Variants in EHBP1 observed in about 807,000 individuals in gnomAD.
The protein encoded by EHBP1 is EH domain binding protein 1.
A neutral mutation model predicts 144.0 loss-of-function variants in EHBP1; 55 were observed. The observed-to-expected ratio is 0.38, with a 90% CI of 0.31 to 0.48. EHBP1 has a LOEUF of 0.48. EHBP1 is among the 20% of genes least tolerant of loss of function. The pLI is 0.98. For missense variants in EHBP1, 1,200 were observed against 1,364.2 expected (o/e 0.88, Z 1.90); for synonymous variants, 469 against 472.7 (o/e 0.99, Z 0.10).
intron 10 of EHBP1, among the ~76,000 whole-genome samples, chr2:62,895,575 A>T (rs1234550352): frequency 6.6e-6 from 1 of 152,180 alleles, no homozygotes; most frequent in Non-Finnish European, 1.5e-5. Context: ...TCAACCTTGT[A>T]TACCAGTGGA....
intron 18 of EHBP1, among the ~76,000 whole-genome samples, chr2:62,995,353 A>G (rs181963286): frequency 5.3e-5 from 8 of 152,122 alleles, no homozygotes; most frequent in Admixed American, 3.9e-4. Context: ...AATCAATTTA[A>G]TAATAAGTTG....
At chr2:62,940,865 A>G (rs2056714505) in intron 10 of EHBP1, among the ~76,000 whole-genome samples, 1 of 152,170 alleles carries the variant, frequency 6.6e-6, no homozygotes, top group South Asian at 2.1e-4. Context: ...CCTTCTTAGA[A>G]ACAGAGGTAC....
chr2:62,686,435 C>T (rs1309006405), intron 1 of EHBP1, among the ~76,000 whole-genome samples: 1 of 152,152 alleles, frequency 6.6e-6, no homozygotes, highest in African/African-American at 2.4e-5. Flanking sequence ...TCCAGCCAAG[C>T]ATAAATAAGT....
At chr2:62,983,676 A>C (rs567308463) in intron 15 of EHBP1, among the ~76,000 whole-genome samples, 3 of 151,962 alleles carry the variant, frequency 2.0e-5, no homozygotes, top group South Asian at 4.2e-4. Flanking sequence ...GAGTAGCTGG[A>C]ATTACAGGCA....
At chr2:62,983,869 A>G (rs2059078719) in intron 15 of EHBP1, among the ~76,000 whole-genome samples, 1 of 152,182 alleles carries the variant, frequency 6.6e-6, no homozygotes, top group African/African-American at 2.4e-5. Flanking sequence ...TAGACAAAGT[A>G]GTATATTTTG....
At chr2:62,684,940 C>A (rs1429439104) in intron 1 of EHBP1, among the ~76,000 whole-genome samples, 1 of 152,112 alleles carries the variant, frequency 6.6e-6, no homozygotes, top group Non-Finnish European at 1.5e-5. Flanking sequence ...CTGAGATGGA[C>A]TCACTTATAT....
At chr2:62,708,000 A>T (rs372748419) in intron 2 of EHBP1, among the ~76,000 whole-genome samples, 1 of 152,130 alleles carries the variant, frequency 6.6e-6, no homozygotes, top group Admixed American at 6.5e-5. Flanking sequence ...AACAACAAAA[A>T]TTTTTTATTT....
At chr2:63,013,993 G>T (rs952795811) in intron 19 of EHBP1, among the ~76,000 whole-genome samples, 1 of 152,236 alleles carries the variant, frequency 6.6e-6, no homozygotes, top group African/African-American at 2.4e-5. Context: ...TGTTCACAGT[G>T]AATGTTTAGT....
intron 14 of EHBP1, among the ~76,000 whole-genome samples, chr2:62,972,999 A>C (rs1037106983): frequency 8.5e-5 from 13 of 152,214 alleles, no homozygotes; most frequent in African/African-American, 3.1e-4. Context: ...TGAGTAAATA[A>C]GTACAAACAA....
chr2:62,960,477 T>A (rs1161591674), intron 14 of EHBP1, among the ~76,000 whole-genome samples: 1 of 152,212 alleles, frequency 6.6e-6, no homozygotes, highest in Non-Finnish European at 1.5e-5. Context: ...CTATATCTTT[T>A]GCTGTTATTC....
At chr2:62,850,599 T>G (rs1228321394) in intron 7 of EHBP1, among the ~76,000 whole-genome samples, 1 of 152,130 alleles carries the variant, frequency 6.6e-6, no homozygotes, top group African/African-American at 2.4e-5. Flanking sequence ...TGTATAGTAG[T>G]AGGGGAGAAA....
intron 13 of EHBP1, among the ~76,000 whole-genome samples, chr2:62,951,305 T>G (rs894947990): frequency 6.6e-6 from 1 of 152,102 alleles, no homozygotes; most frequent in African/African-American, 2.4e-5. Flanking sequence ...AAGAAAGAAT[T>G]TATATCTTAG....
rs756018994 is a variant in EHBP1 at position 62,948,533 on chromosome 2, C to T, written c.1687C>T (p.Gln563Ter). Residue 563 changes from glutamine to a stop codon, truncating the protein, a stop_gained, in exon 13 of 23, where the codon CAA (glutamine) becomes TAA (stop). Transcript: ENST00000431489. LOFTEE classifies it high-confidence loss of function. ...TGATCTGAAGCGGGAGCCTGAACTA[C>T]AACAGCCTATCAGCGGAGCAGTAGA... ...LSDLKREPEL[Q>*]QPISGAVDFL... The T allele has an allele frequency of 6.2e-7, 1 of 1,614,120 alleles. No individual in the cohort carries two copies. The highest frequency in any genetic ancestry group is 8.5e-7 in the Non-Finnish European group (1 of 1,179,982).
At chr2:62,726,718 A>AT (rs2036829339) in intron 2 of EHBP1, 1 of 152,228 alleles carries the variant, frequency 6.6e-6, no homozygotes, top group South Asian at 2.1e-4. Flanking sequence ...TGAACAATCG[A>AT]TTGAGATAAC....
At chr2:62,880,158 A>G (rs536329190) in intron 10 of EHBP1, among the ~76,000 whole-genome samples, 1 of 152,330 alleles carries the variant, frequency 6.6e-6, no homozygotes, top group Non-Finnish European at 1.5e-5. Flanking sequence ...CTGGATAGCC[A>G]TGTAAAGAAG....
intron 5 of EHBP1, among the ~76,000 whole-genome samples, chr2:62,817,654 G>A (rs1369785474): frequency 6.6e-6 from 1 of 152,162 alleles, no homozygotes; most frequent in African/African-American, 2.4e-5. Flanking sequence ...TAATTGCAAG[G>A]CAAAGGCAGG....
intron 5 of EHBP1, among the ~76,000 whole-genome samples, chr2:62,787,387 CACCGCTG>C (rs2042880595): frequency 8.9e-6 from 1 of 112,672 alleles, no homozygotes; most frequent in African/African-American, 3.2e-5. Context: ...CCCCACACTG[CACCGCTG>C]CCCCCCCCCC....
rs557741939 is a variant in EHBP1, at chr2:62,980,457, T to G, written c.2608+1122T>G. ...GGCCCTGGGTTTGAGGACCCCTGCC[T>G]AAGAGGGCCAAAACAAAGGTAAGCT... On this transcript the variant is annotated intron_variant, in intron 15 of 22. Transcript: ENST00000431489. 2.0e-4 allele frequency among the ~76,000 whole-genome samples: 31 copies of G among 152,308 alleles called. No individual in the cohort carries two copies. In the South Asian group the frequency reaches 6.2e-3, roughly 31 times the overall value.
chr2:62,965,493 A>G (rs2058206950), intron 14 of EHBP1, among the ~76,000 whole-genome samples: 2 of 152,178 alleles, frequency 1.3e-5, no homozygotes, highest in South Asian at 4.1e-4. Context: ...ATATTCCCAT[A>G]CTTGACTGAT....
Sources: allele counts gnomAD v4.1 joint callset (sites outside exome capture counted in the v4.1 genomes callset), GRCh38; gene constraint gnomAD v4.1.1; transcripts MANE v1.5; gene names NCBI Gene and HGNC (gene_info 2026-07-23, HGNC 2026-07-21).